Variants in WDR49 observed in about 807,000 individuals in gnomAD.
WDR49 encodes cilia- and flagella-associated protein 337.
A neutral mutation model predicts 119.5 loss-of-function variants in WDR49; 107 were observed. The observed-to-expected ratio is 0.90, with a 90% CI of 0.77 to 1.05. The LOEUF (loss-of-function observed/expected upper bound fraction) is 1.05. WDR49 is among the 50% of genes least tolerant of loss of function. The pLI is 0.00. For synonymous variants in WDR49, 425 were observed against 418.8 expected (o/e 1.01, Z -0.18); for missense variants, 1,240 against 1,220.5 (o/e 1.02, Z -0.24).
rs967216257 is a variant in WDR49 at position 167,653,508 on chromosome 3, A to T, written c.-74-9T>A. The T allele has an allele frequency of 2.2e-6, 3 of 1,394,042 alleles. No homozygotes were observed. In the Admixed American group the frequency reaches 9.4e-5, roughly 44 times the overall value. The allele number at this position is 1,394,042 out of a possible 1,614,324, so 86.4% of individuals were successfully genotyped here. A position where few individuals can be genotyped will look rare whatever the true frequency, so the allele number is the denominator to read the frequency against. On this transcript the variant is annotated splice_polypyrimidine_tract_variant and intron_variant, in intron 1 of 18. Coordinates refer to ENST00000682715, the MANE Select transcript of WDR49 (RefSeq NM_001366157.1). ...TTTCCTTCAACAGGTGCCTTTGAAA[A>T]GAAACTCAACTTAGCAACAGAATTC...
At chr3:167,517,055 A>C (rs1752240396) in intron 16 of WDR49, among the ~76,000 whole-genome samples, 1 of 152,250 alleles carries the variant, frequency 6.6e-6, no homozygotes, top group Admixed American at 6.5e-5. Flanking sequence ...AGCATTAAAA[A>C]GTCAGGAAAC....
At chr3:167,644,685 G>A (rs1236149883) in intron 2 of WDR49, among the ~76,000 whole-genome samples, 1 of 152,044 alleles carries the variant, frequency 6.6e-6, no homozygotes, top group African/African-American at 2.4e-5. Context: ...GGGAAGCTTG[G>A]AGGATTAGAA....
intron 5 of WDR49, among the ~76,000 whole-genome samples, chr3:167,613,361 T>C (rs937443392): frequency 6.6e-6 from 1 of 152,228 alleles, no homozygotes; most frequent in Non-Finnish European, 1.5e-5. Context: ...CTTATTCTTC[T>C]ACCATGCTAC....
chr3:167,537,726 G>A (rs530254299), intron 10 of WDR49, among the ~76,000 whole-genome samples: 4 of 152,136 alleles, frequency 2.6e-5, no homozygotes, highest in African/African-American at 9.6e-5. Flanking sequence ...CCATTGTTGG[G>A]GCATTAATAC....
In WDR49 at chr3:167,509,401, G is replaced by T. The variant is rs116631852; in HGVS notation, c.2775-3985C>A. Among the ~76,000 whole-genome samples the T allele has an allele frequency of 9.9e-3, 1,509 of 152,258 alleles. 27 individuals carry two copies. Among genetic ancestry groups the T allele is most frequent in the African/African-American group, 0.034 (1,420 of 41,534 alleles). On this transcript the variant is annotated intron_variant, in intron 16 of 18. Transcript: ENST00000682715. ...TGTTTCTCTTAAAGATGCCATAGGA[G>T]TTAGTCTAGTAGACTTTGAATACCC...
intron 7 of WDR49, among the ~76,000 whole-genome samples, chr3:167,582,967 C>CAT (rs914128543): frequency 7.4e-6 from 1 of 135,648 alleles, no homozygotes; most frequent in Non-Finnish European, 1.7e-5. Context: ...CACACACACA[C>CAT]ATACACACAC....
rs1715414913 is a variant in WDR49, at chr3:167,596,064, T to C, written c.1275+6063A>G. ...CCCATCAAAAAGTGGGCGAAGGACA[T>C]GAACAGACACTTCTCAAAAGAAGAC... is the stretch of plus-strand genomic sequence containing the variant. On this transcript the variant is annotated intron_variant, in intron 7 of 18. Coordinates refer to ENST00000682715, the MANE Select transcript of WDR49 (RefSeq NM_001366157.1). 2.1e-5 allele frequency among the ~76,000 whole-genome samples: 3 copies of C among 146,174 alleles called. No homozygotes were observed. In the South Asian group the frequency reaches 6.7e-4, roughly 33 times the overall value.
At chr3:167,638,077 A>C (rs1302814644) in intron 2 of WDR49, among the ~76,000 whole-genome samples, 1 of 151,622 alleles carries the variant, frequency 6.6e-6, no homozygotes, top group Non-Finnish European at 1.5e-5. Context: ...GAAAGTAATA[A>C]GAAAGTAATA....
At chr3:167,636,134 A>T (rs887647605) in intron 2 of WDR49, among the ~76,000 whole-genome samples, 1 of 151,630 alleles carries the variant, frequency 6.6e-6, no homozygotes, top group Admixed American at 6.6e-5. Flanking sequence ...TTTTTCCCTG[A>T]GTCCCCAAAG....
At chr3:167,528,052 T>A in intron 14 of WDR49, 35 bp from the exon 15 acceptor site, 1 of 1,566,394 alleles carries the variant, frequency 6.4e-7, no homozygotes, top group Non-Finnish European at 8.7e-7. Context: ...TCTAAAAAAT[T>A]CAAATATGAA....
At chr3:167,553,036 C>G (rs1010093690) in intron 10 of WDR49, among the ~76,000 whole-genome samples, 4 of 152,078 alleles carry the variant, frequency 2.6e-5, no homozygotes, top group African/African-American at 9.7e-5. Context: ...CCTCCTGTAA[C>G]TATAACTGAA....
At chr3:167,551,655 G>C (rs182870816) in intron 10 of WDR49, among the ~76,000 whole-genome samples, 1 of 151,854 alleles carries the variant, frequency 6.6e-6, no homozygotes, top group Non-Finnish European at 1.5e-5. Flanking sequence ...GTAAAATAAG[G>C]TTGCTAATAC....
intron 17 of WDR49, among the ~76,000 whole-genome samples, chr3:167,504,352 G>T (rs1444013930): frequency 1.3e-5 from 2 of 152,176 alleles, no homozygotes; most frequent in Non-Finnish European, 2.9e-5. Flanking sequence ...GTGCCACTGT[G>T]CCCTGGATGT....
At position 167,620,527 on chromosome 3, in the gene WDR49, G is replaced by T. The variant is rs116711733; in HGVS notation, c.860C>A (p.Ala287Asp). 955 of 1,535,838 alleles carry T rather than the reference G, an allele frequency of 6.2e-4. 7 individuals carry two copies. In the African/African-American group the frequency reaches 0.011, roughly 18 times the overall value. The change falls in exon 5 of 19, where the codon GCC (alanine) becomes GAC (aspartate). Residue 287 changes from alanine (A) to aspartate (D), a missense_variant. Ala to Asp is a moderately radical substitution (Grantham distance 126, BLOSUM62 -2). Coordinates refer to ENST00000682715, the MANE Select transcript of WDR49 (RefSeq NM_001366157.1). ...CTCTGCCCAGTTAATGGTCATAGTG[G>T]CTTCTCCATCTTCACATGCACTAGC... ...RPASACEDGE[A>D]TMTINWAELL...
intron 2 of WDR49, among the ~76,000 whole-genome samples, chr3:167,651,594 AT>A (rs5854244): frequency 0.36 from 53,765 of 147,456 alleles, 11,325 homozygotes; most frequent in African/African-American, 0.61. Flanking sequence ...GATGAACTTC[AT>A]TTTTTTTTTT....
chr3:167,599,368 C>T (rs1289080448), intron 7 of WDR49, among the ~76,000 whole-genome samples: 1 of 152,208 alleles, frequency 6.6e-6, no homozygotes, highest in East Asian at 1.9e-4. Flanking sequence ...ACCACCACCA[C>T]CACTGTCCCA....
chr3:167,506,629 A>AT (rs1318175310), intron 16 of WDR49, among the ~76,000 whole-genome samples: 3 of 152,118 alleles, frequency 2.0e-5, no homozygotes, highest in Non-Finnish European at 4.4e-5. Flanking sequence ...CCCTCAGCCA[A>AT]TTTTCCCTAT....
At chr3:167,636,645 G>A (rs1717633850) in intron 2 of WDR49, among the ~76,000 whole-genome samples, 1 of 151,576 alleles carries the variant, frequency 6.6e-6, no homozygotes, top group South Asian at 2.1e-4. Flanking sequence ...CTACATCCAT[G>A]CCAACATGTA....
In WDR49 at chr3:167,500,169, G is replaced by A. The variant is rs1340474056; in HGVS notation, c.3015C>T (p.Ala1005=). The A allele has an allele frequency of 6.4e-7, 1 of 1,569,832 alleles. No individual in the cohort carries two copies. The highest frequency in any genetic ancestry group is 2.3e-5 in the East Asian group (1 of 42,818). The part of the protein sequence containing the change: ...PEEERPQILE[A]PSLFKTLKAV... ...AGAACTTACTTTTAAAAAGTGACGG[G>A]GCCTCCAGAATTTGGGGACGCTCTT... Residue 1005 remains alanine, a synonymous_variant, in exon 18 of 19, where the codon GCC becomes GCT. Transcript: ENST00000682715.
Sources: gnomAD v4.1 joint callset for allele counts (sites outside exome capture counted in the v4.1 genomes callset) on GRCh38, gnomAD v4.1.1 for gene constraint, MANE v1.5 for transcripts, NCBI Gene and HGNC (gene_info 2026-07-23, HGNC 2026-07-21) for gene names.